Variants in ARHGAP22 observed in about 807,000 individuals in gnomAD.
The protein encoded by ARHGAP22 is Rho GTPase activating protein 22.
In ARHGAP22, 48 loss-of-function variants were observed where a neutral mutation model predicts 59.1. That is an observed-to-expected ratio of 0.81 (90% CI 0.64 to 1.03). The LOEUF (loss-of-function observed/expected upper bound fraction) is 1.03. Among genes scored for constraint, ARHGAP22 ranks in the 50% least tolerant of loss-of-function variants. The probability of loss-of-function intolerance (pLI) is 0.00; values close to 1 mark genes in which losing one functional copy is unlikely to be tolerated. For synonymous variants in ARHGAP22, 445 were observed against 416.4 expected (o/e 1.07, Z -0.84); for missense variants, 1,015 against 958.7 (o/e 1.06, Z -0.78).
chr10:48,637,694 T>C (rs2061878986), intron 1 of ARHGAP22, among the ~76,000 whole-genome samples: 1 of 151,874 alleles, frequency 6.6e-6, no homozygotes, highest in African/African-American at 2.4e-5. Flanking sequence ...GATGGATGAA[T>C]TGTGGATGAA....
chr10:48,636,227 G>A (rs1429285598), intron 1 of ARHGAP22, among the ~76,000 whole-genome samples: 1 of 152,172 alleles, frequency 6.6e-6, no homozygotes, highest in African/African-American at 2.4e-5. Context: ...CATTTCTCTG[G>A]TGGCTGTCGA....
chr10:48,654,510 T>C (rs868810874), upstream of ARHGAP22, among the ~76,000 whole-genome samples: 2 of 152,294 alleles, frequency 1.3e-5, no homozygotes, highest in African/African-American at 4.8e-5. Flanking sequence ...AGGAATAGGG[T>C]GGCTTGGCTT....
At chr10:48,580,573 C>G (rs1413687102) in intron 2 of ARHGAP22, among the ~76,000 whole-genome samples, 1 of 152,170 alleles carries the variant, frequency 6.6e-6, no homozygotes, top group African/African-American at 2.4e-5. Flanking sequence ...AGGCAGGGCT[C>G]TGAAAGGCTG....
chr10:48,451,110 A>G lies in ARHGAP22; in HGVS notation c.1019T>C (p.Val340Ala). 1 of 1,553,246 alleles carries G rather than the reference A, an allele frequency of 6.4e-7. No homozygotes were observed. Among genetic ancestry groups the G allele is most frequent in the South Asian group, 1.2e-5 (1 of 84,186 alleles). The change falls in exon 9 of 10, where the codon GTC becomes GCC. Residue 340 changes from valine (V) to alanine (A), a missense_variant. Transcript: ENST00000249601. ...GTSLVQHLMTVLIRKHSQLFT... is the reference protein window; with the variant it reads ...GTSLVQHLMTALIRKHSQLFT... ...GAGCTGGCTGTGTTTGCGGATGAGG[A>G]CGGTCATCAGGTGCTGGACGAGGGA... is the stretch of plus-strand genomic sequence containing the variant.
At chr10:48,463,732 C>T (rs2047379949) in intron 4 of ARHGAP22, among the ~76,000 whole-genome samples, 1 of 152,164 alleles carries the variant, frequency 6.6e-6, no homozygotes, top group African/African-American at 2.4e-5. Flanking sequence ...CACAGCCCTG[C>T]CTGCCACTAC....
chr10:48,536,963 G>C (rs1468936407), intron 3 of ARHGAP22, among the ~76,000 whole-genome samples: 2 of 151,812 alleles, frequency 1.3e-5, no homozygotes, highest in Non-Finnish European at 2.9e-5. Flanking sequence ...CCAAAGAAGG[G>C]CACAATCTTT....
chr10:48,590,308 G>A (rs1423080603), intron 1 of ARHGAP22, among the ~76,000 whole-genome samples: 1 of 152,162 alleles, frequency 6.6e-6, no homozygotes, highest in African/African-American at 2.4e-5. Context: ...GGCTGTGGGT[G>A]AGGGTCAGGT....
chr10:48,628,829 G>T (rs939201772), intron 1 of ARHGAP22, among the ~76,000 whole-genome samples: 3 of 152,112 alleles, frequency 2.0e-5, no homozygotes, highest in Non-Finnish European at 4.4e-5. Context: ...GACATATCTT[G>T]CAGTAAGAGG....
At chr10:48,500,676 C>T (rs1417073597) in intron 3 of ARHGAP22, among the ~76,000 whole-genome samples, 3 of 151,988 alleles carry the variant, frequency 2.0e-5, no homozygotes, top group African/African-American at 7.3e-5. Flanking sequence ...TCACCTGAGG[C>T]CAGGAGTTCG....
At position 48,450,804 on chromosome 10, in the gene ARHGAP22, G is replaced by T; in HGVS notation, c.1325C>A (p.Pro442Gln). The T allele has an allele frequency of 1.9e-6, 3 of 1,577,086 alleles. No individual in the cohort carries two copies. The highest frequency in any genetic ancestry group is 2.6e-6 in the Non-Finnish European group (3 of 1,162,150). ...CTCCAGGGATGAGCCGCCCCCCTTCGGGCTTCCCGATAGGGACCTCGGCTG... is the reference window on the plus strand; with the variant it reads ...CTCCAGGGATGAGCCGCCCCCCTTCTGGCTTCCCGATAGGGACCTCGGCTG... ...FRQPRSLSGS[P>Q]KGGGSSLEVP... The change falls in exon 9 of 10, where the codon CCG becomes CAG. Residue 442 changes from proline to glutamine, a missense_variant. Pro to Gln is a moderately conservative substitution (Grantham distance 76). Coordinates refer to ENST00000249601, the MANE Select transcript of ARHGAP22 (RefSeq NM_021226.4).
chr10:48,647,342 G>A (rs1397562401), intron 1 of ARHGAP22, among the ~76,000 whole-genome samples: 2 of 152,104 alleles, frequency 1.3e-5, no homozygotes, highest in Non-Finnish European at 2.9e-5. Flanking sequence ...GCAATGAGCC[G>A]AGATCACGCC....
chr10:48,443,620 A>G (rs2045254254), downstream of ARHGAP22, among the ~76,000 whole-genome samples: 1 of 151,790 alleles, frequency 6.6e-6, no homozygotes, highest in South Asian at 2.1e-4. Flanking sequence ...AACTCAAGAC[A>G]CCCGTGAGAG....
intron 5 of ARHGAP22, among the ~76,000 whole-genome samples, chr10:48,459,377 C>T (rs766355725): frequency 3.3e-5 from 5 of 152,206 alleles, no homozygotes; most frequent in Non-Finnish European, 7.3e-5. Context: ...TGCAGCTGCG[C>T]CTGGTCAGTC....
intron 1 of ARHGAP22, among the ~76,000 whole-genome samples, chr10:48,612,973 C>A (rs904808274): frequency 5.9e-5 from 9 of 152,212 alleles, no homozygotes; most frequent in Non-Finnish European, 8.8e-5. Flanking sequence ...TTGGTTAGGA[C>A]CGATAGTAAT....
At chr10:48,633,648 C>G (rs1428420713) in intron 1 of ARHGAP22, among the ~76,000 whole-genome samples, 1 of 152,192 alleles carries the variant, frequency 6.6e-6, no homozygotes, top group Non-Finnish European at 1.5e-5. Flanking sequence ...GAACCTGGAT[C>G]CACACCCAGG....
At chr10:48,524,220 G>C in intron 3 of ARHGAP22, 4 of 645,828 alleles carry the variant, frequency 6.2e-6, no homozygotes, top group Non-Finnish European at 7.7e-6. Context: ...CAGGGTGCGC[G>C]GGACCGCCGG....
At chr10:48,615,740 C>T (rs2061055517) in intron 1 of ARHGAP22, among the ~76,000 whole-genome samples, 1 of 151,948 alleles carries the variant, frequency 6.6e-6, no homozygotes. Context: ...GTACAAAGAT[C>T]TAAAGGTAAT....
chr10:48,629,997 C>G (rs1340884371), intron 1 of ARHGAP22, among the ~76,000 whole-genome samples: 2 of 152,110 alleles, frequency 1.3e-5, no homozygotes, highest in African/African-American at 4.8e-5. Flanking sequence ...TTTCAACTTT[C>G]AATTGTTCAT....
At chr10:48,460,142 GTGT>G (rs1212759586) in intron 4 of ARHGAP22, among the ~76,000 whole-genome samples, 3 of 152,214 alleles carry the variant, frequency 2.0e-5, no homozygotes, top group Non-Finnish European at 4.4e-5. Flanking sequence ...TGAGATGGTG[GTGT>G]GACCTGGCCA....
Sources: allele counts gnomAD v4.1 joint callset (sites outside exome capture counted in the v4.1 genomes callset), GRCh38; gene constraint gnomAD v4.1.1; transcripts MANE v1.5; gene names NCBI Gene and HGNC (gene_info 2026-07-23, HGNC 2026-07-21).